The following ELAPOR2 variants were observed in gnomAD, a reference collection of about 807,000 sequenced individuals.
ELAPOR2 encodes endosome-lysosome associated apoptosis and autophagy regulator family member 2.
ELAPOR2 carries 89 observed loss-of-function variants against 120.7 expected under a neutral mutation model. The ratio of observed to expected loss-of-function variants is 0.74; its 90% CI spans 0.62 to 0.88. The LOEUF is 0.88. ELAPOR2 is among the 40% of genes least tolerant of loss of function. The pLI, the probability that ELAPOR2 is intolerant of heterozygous loss-of-function variation, is 0.00. For synonymous variants in ELAPOR2, 444 were observed against 444.9 expected (o/e 1.00, Z 0.03); for missense variants, 1,134 against 1,251.6 (o/e 0.91, Z 1.42).
intron 8 of ELAPOR2, among the ~76,000 whole-genome samples, chr7:86,931,639 T>A (rs1389824070): frequency 6.6e-6 from 1 of 151,858 alleles, no homozygotes; most frequent in East Asian, 1.9e-4. Flanking sequence ...TTTCACTACC[T>A]TCTATGTGCT....
At chr7:86,953,683 ATTT>A (rs1791360126) in intron 2 of ELAPOR2, among the ~76,000 whole-genome samples, 1 of 152,208 alleles carries the variant, frequency 6.6e-6, no homozygotes, top group Non-Finnish European at 1.5e-5. Flanking sequence ...AATTTACCGT[ATTT>A]AATTTGAATC....
intron 1 of ELAPOR2, among the ~76,000 whole-genome samples, chr7:86,984,048 C>T (rs544155980): frequency 1.3e-5 from 2 of 152,106 alleles, no homozygotes; most frequent in Non-Finnish European, 2.9e-5. Context: ...CAATCCTGGT[C>T]TCTGATAAAA....
intron 21 of ELAPOR2, chr7:86,891,521 T>C (rs993195936): frequency 1.0e-5 from 5 of 482,334 alleles, no homozygotes; most frequent in African/African-American, 2.0e-5. Flanking sequence ...TCCTTACTGA[T>C]GATGTTTGAC....
In ELAPOR2 at chr7:86,913,072, G is replaced by C. The variant is rs1789393460; in HGVS notation, c.1864C>G (p.Pro622Ala). The C allele has an allele frequency of 6.2e-7, 1 of 1,613,966 alleles. No homozygotes were observed. The highest frequency in any genetic ancestry group is 1.3e-5 in the African/African-American group (1 of 74,926). ...TCTTTCTCAATGTAGTGGCCTGGAG[G>C]GCAGGGGACACACGATGAACCCGAC... Reference protein sequence around the residue: ...EQSGSSCVPCPPGHYIEKETN... With the variant: ...EQSGSSCVPCAPGHYIEKETN... The change falls in exon 14 of 22, where the codon CCT becomes GCT. Residue 622 changes from proline (P) to alanine (A), a missense_variant. Around this residue, in one of 3 missense-constraint regions of ELAPOR2, gnomAD observed 831 missense variants for 867.6 expected, o/e 0.96. Coordinates refer to ENST00000450689, the MANE Select transcript of ELAPOR2 (RefSeq NM_001142749.3).
At chr7:87,017,692 G>A (rs1017894637) in intron 1 of ELAPOR2, among the ~76,000 whole-genome samples, 4 of 152,024 alleles carry the variant, frequency 2.6e-5, no homozygotes, top group African/African-American at 9.7e-5. Context: ...AGGCTTAGGT[G>A]GGCAGAACAC....
chr7:86,977,107 G>A (rs1313087229), intron 1 of ELAPOR2, among the ~76,000 whole-genome samples: 1 of 152,172 alleles, frequency 6.6e-6, no homozygotes, highest in East Asian at 1.9e-4. Context: ...TGATGAGTGT[G>A]GTGGTGATGA....
intron 1 of ELAPOR2, among the ~76,000 whole-genome samples, chr7:87,023,713 C>T (rs1045237309): frequency 1.3e-5 from 2 of 152,120 alleles, no homozygotes; most frequent in African/African-American, 4.8e-5. Context: ...AATGTTCTTC[C>T]ATTTGTTTGT....
At position 87,012,169 on chromosome 7, in the gene ELAPOR2, C is replaced by T. The variant is rs549984492; in HGVS notation, c.190-47145G>A. Among the ~76,000 whole-genome samples the T allele has an allele frequency of 9.2e-5, 14 of 152,148 alleles. No individual in the cohort carries two copies. The South Asian group carries it at 2.3e-3, about 25-fold the overall frequency. ...GCTCACACCTGTAATCCCAGCACTT[C>T]GGGAGGCCAAGGTGGGCAGATCACA... On this transcript the variant is annotated intron_variant, in intron 1 of 21. Transcript: ENST00000450689.
At chr7:87,031,201 G>T (rs968163983) in intron 1 of ELAPOR2, among the ~76,000 whole-genome samples, 11 of 152,248 alleles carry the variant, frequency 7.2e-5, no homozygotes, top group African/African-American at 2.6e-4. Flanking sequence ...TCTGGTTCTA[G>T]AACTTTTTTC....
chr7:86,978,486 G>A (rs1408086293), intron 1 of ELAPOR2, among the ~76,000 whole-genome samples: 1 of 152,220 alleles, frequency 6.6e-6, no homozygotes, highest in African/African-American at 2.4e-5. Context: ...TATTTGCCTT[G>A]CTCTTTTCAC....
intron 2 of ELAPOR2, among the ~76,000 whole-genome samples, chr7:86,963,225 G>C (rs1791783415): frequency 6.6e-6 from 1 of 152,146 alleles, no homozygotes; most frequent in African/African-American, 2.4e-5. Flanking sequence ...TTTTAGAAAA[G>C]TGCTTGCTAG....
At chr7:86,994,100 C>T (rs1444365158) in intron 1 of ELAPOR2, among the ~76,000 whole-genome samples, 4 of 152,276 alleles carry the variant, frequency 2.6e-5, no homozygotes, top group Middle Eastern at 3.4e-3. Flanking sequence ...AGTCTTATAT[C>T]TCTTTGTAAT....
chr7:86,885,104 G>A (rs1799625588), intron 21 of ELAPOR2, among the ~76,000 whole-genome samples: 1 of 152,150 alleles, frequency 6.6e-6, no homozygotes, highest in African/African-American at 2.4e-5. Context: ...AGTATGGTCA[G>A]GTCTACCTGG....
intron 1 of ELAPOR2, among the ~76,000 whole-genome samples, chr7:87,038,613 C>G (rs1794660599): frequency 6.6e-6 from 1 of 151,972 alleles, no homozygotes; most frequent in Non-Finnish European, 1.5e-5. Flanking sequence ...TGGAATAAAA[C>G]TAGAAATTAA....
At chr7:87,006,036 G>T (rs1793459095) in intron 1 of ELAPOR2, among the ~76,000 whole-genome samples, 1 of 152,090 alleles carries the variant, frequency 6.6e-6, no homozygotes, top group African/African-American at 2.4e-5. Context: ...CAAAGAATTT[G>T]CACTCAGAAT....
intron 1 of ELAPOR2, among the ~76,000 whole-genome samples, chr7:87,019,597 T>C (rs1793977050): frequency 1.3e-5 from 2 of 152,186 alleles, no homozygotes; most frequent in South Asian, 4.1e-4. Flanking sequence ...TTTTAAAATA[T>C]GAACTGGACA....
chr7:86,890,052 T>C (rs1356667437), intron 21 of ELAPOR2, among the ~76,000 whole-genome samples: 1 of 151,774 alleles, frequency 6.6e-6, no homozygotes, highest in East Asian at 1.9e-4. Flanking sequence ...TCAAATTTGA[T>C]CCCAGCTTCA....
rs137862317 is a variant in ELAPOR2 at position 86,924,220 on chromosome 7, T to A, written c.1399+1308A>T. 5.9e-5 allele frequency among the ~76,000 whole-genome samples: 9 copies of A among 152,224 alleles called. No homozygotes were observed. The East Asian group carries it at 1.7e-3, about 29-fold the overall frequency. ...GAGATTTATACTTTTCATTTAATCATTGATCATTACTGAAAACTAAGCAAA... is the reference window on the plus strand; with the variant it reads ...GAGATTTATACTTTTCATTTAATCAATGATCATTACTGAAAACTAAGCAAA... On this transcript the variant is annotated intron_variant, in intron 10 of 21. Coordinates refer to ENST00000450689, the MANE Select transcript of ELAPOR2 (RefSeq NM_001142749.3).
At chr7:87,007,984 C>T (rs1360005754) in intron 1 of ELAPOR2, among the ~76,000 whole-genome samples, 7 of 152,098 alleles carry the variant, frequency 4.6e-5, no homozygotes, top group Non-Finnish European at 1.0e-4. Flanking sequence ...AACTAGTGAT[C>T]GAAAGTTTAA....
Sources: allele counts gnomAD v4.1 joint callset (sites outside exome capture counted in the v4.1 genomes callset), GRCh38; gene constraint gnomAD v4.1.1; regional missense constraint gnomAD v4.1.1; transcripts MANE v1.5; gene names NCBI Gene and HGNC (gene_info 2026-07-23, HGNC 2026-07-21).